The following CATIP variants were observed in gnomAD, a reference collection of about 807,000 sequenced individuals.
CATIP encodes ciliogenesis associated TTC17 interacting protein.
A neutral mutation model predicts 42.5 loss-of-function variants in CATIP; 40 were observed. The ratio of observed to expected loss-of-function variants is 0.94; its 90% confidence interval spans 0.73 to 1.22. The LOEUF (loss-of-function observed/expected upper bound fraction) is 1.22. Ranked by LOEUF, CATIP falls within the 50% of genes most tolerant of loss-of-function variation. The probability of loss-of-function intolerance (pLI) is 0.00; values close to 1 mark genes in which losing one functional copy is unlikely to be tolerated. For missense variants in CATIP, 489 were observed against 496.0 expected, an observed-to-expected ratio of 0.99 and a Z score of 0.13; for synonymous variants, 222 against 200.2, an observed-to-expected ratio of 1.11 and a Z score of -0.92.
intron 5 of CATIP, 122 bp from the exon 6 acceptor site, chr2:218,362,613 C>T (rs1294376176): frequency 2.1e-6 from 2 of 962,714 alleles, no homozygotes; most frequent in African/African-American, 3.3e-5. Flanking sequence ...GCCTGGGTGA[C>T]AAAAAGCGAA....
At chr2:218,360,529 A>T (rs749102511) in intron 4 of CATIP, 44 bp from the exon 5 acceptor site, 1 of 1,461,370 alleles carries the variant, frequency 6.8e-7, no homozygotes, top group South Asian at 1.1e-5. Flanking sequence ...CCTCTGGGGG[A>T]CCCAGGGAGT....
intron 2 of CATIP, 113 bp downstream of exon 2, chr2:218,357,300 C>T: frequency 3.7e-6 from 2 of 547,144 alleles, no homozygotes; most frequent in South Asian, 2.4e-5. Context: ...TTCCTTGATT[C>T]TCCTGGGACT....
chr2:218,368,003 C>G lies in CATIP; in HGVS notation c.*39C>G, dbSNP rs1394243278. ...CCGGACAGGGCAGGAAACCAGGGGTCGGGCTGGGACGCGGGCGGGACGCGC... is the reference window on the plus strand; with the variant it reads ...CCGGACAGGGCAGGAAACCAGGGGTGGGGCTGGGACGCGGGCGGGACGCGC... On this transcript the variant is annotated 3_prime_UTR_variant, in exon 10 of 10. Transcript: ENST00000289388. The G allele has an allele frequency of 6.8e-7, 1 of 1,471,466 alleles. No individual in the cohort carries two copies. Among genetic ancestry groups the G allele is most frequent in the East Asian group, 2.6e-5 (1 of 38,872 alleles). The allele number at this position is 1,471,466 out of a possible 1,614,324, so 91.2% of individuals were successfully genotyped here. A position where few individuals can be genotyped will look rare whatever the true frequency, so the allele number is the denominator to read the frequency against.
intron 8 of CATIP, 57 bp downstream of exon 8, chr2:218,367,157 T>C (rs1272509474): frequency 7.2e-7 from 1 of 1,384,444 alleles, no homozygotes; most frequent in Non-Finnish European, 1.0e-6. Flanking sequence ...TGGGGAAACC[T>C]GGGCCTTCCA....
chr2:218,364,902 T>C, intron 7 of CATIP, 150 bp downstream of exon 7: 2 of 929,240 alleles, frequency 2.2e-6, no homozygotes, highest in Admixed American at 3.0e-5. Context: ...CTTTCTTCAT[T>C]TATTTGCTCG....
Position 218,367,838 on chromosome 2 carries a change from C to T in CATIP, c.1038C>T (p.Phe346=), listed in dbSNP as rs1695521798. The T allele has an allele frequency of 8.1e-6, 13 of 1,613,152 alleles. No individual in the cohort carries two copies. The East Asian group carries it at 2.7e-4, about 33-fold the overall frequency. ...GCCAGCCGGAGGACGTGGTCACCTT[C>T]GCCGCCGAGTTCTTCGGCCCCTTCG... is the stretch of plus-strand genomic sequence containing the variant. The part of the protein sequence containing the change: ...LLRQPEDVVT[F]AAEFFGPFDP... Residue 346 remains phenylalanine (F), a synonymous_variant, in exon 10 of 10, where the codon TTC becomes TTT. Transcript: ENST00000289388.
At chr2:218,364,786 G>A in intron 7 of CATIP, 34 bp downstream of exon 7, 2 of 1,599,438 alleles carry the variant, frequency 1.3e-6, no homozygotes, top group South Asian at 1.1e-5. Context: ...GAGGGGTGGT[G>A]CTGAGCTTGT....
intron 7 of CATIP, chr2:218,365,543 C>T (rs1378163863): frequency 6.6e-6 from 1 of 152,094 alleles, no homozygotes; most frequent in Non-Finnish European, 1.5e-5. Context: ...TAGATATTCA[C>T]ATAATCACTA....
In CATIP at chr2:218,360,594, C is replaced by G; in HGVS notation, c.397C>G (p.Arg133Gly). ...FIKFLILPMERKMSLLKQDDQ... is the reference protein window; with the variant it reads ...FIKFLILPMEGKMSLLKQDDQ... ...TCAGTTCCTCATCCTCCCCATGGAA[C>G]GGAAGATGAGTTTGCTGAAGCAGGA... The change falls in exon 5 of 10, where the codon CGG (arginine) becomes GGG (glycine). Residue 133 changes from arginine (R) to glycine (G), a missense_variant. Arg to Gly is a moderately radical substitution (Grantham distance 125). Coordinates refer to ENST00000289388, the MANE Select transcript of CATIP (RefSeq NM_198559.2). 1 of 1,613,742 alleles carries G rather than the reference C, an allele frequency of 6.2e-7. No homozygotes were observed. Among genetic ancestry groups the G allele is most frequent in the Non-Finnish European group, 8.5e-7 (1 of 1,179,874 alleles).
Position 218,364,709 on chromosome 2 carries a change from G to A in CATIP, c.712G>A (p.Glu238Lys), listed in dbSNP as rs755788671. ...FIVEQTVHAE[E>K]GIPMSCQYYL... ...CGTGGAGCAGACTGTCCACGCGGAG[G>A]AGGGCATCCCCATGTCCTGCCAGTA... The change falls in exon 7 of 10, where the codon GAG (glutamate) becomes AAG (lysine). Residue 238 changes from glutamate (E) to lysine (K), a missense_variant. By Grantham distance (56) the Glu-to-Lys change is moderately conservative. Coordinates refer to ENST00000289388, the MANE Select transcript of CATIP (RefSeq NM_198559.2). The A allele has an allele frequency of 1.4e-5, 23 of 1,613,780 alleles. No homozygotes were observed. Among genetic ancestry groups the A allele is most frequent in the Non-Finnish European group, 1.9e-5 (23 of 1,179,912 alleles).
intron 6 of CATIP, among the ~76,000 whole-genome samples, chr2:218,363,383 C>T (rs1246611371): frequency 2.0e-5 from 3 of 150,300 alleles, no homozygotes; most frequent in African/African-American, 7.4e-5. Flanking sequence ...CTACTCAGGA[C>T]GCTGAGGCAG....
At chr2:218,365,103 GCACTGGCTCC>G in intron 7 of CATIP, among the ~76,000 whole-genome samples, 5 of 152,260 alleles carry the variant, frequency 3.3e-5, no homozygotes, top group Admixed American at 1.3e-4. Flanking sequence ...CTCCAGCAAA[GCACTGGCTCC>G]AAATCATAAG....
rs371366541 is a variant in CATIP at position 218,358,572 on chromosome 2, T to G, written c.375+480T>G. On this transcript the variant is annotated intron_variant, in intron 4 of 9. Transcript: ENST00000289388. Reference sequence around the variant, plus strand: ...CAAGACTCCGTCTCAAGAAAAAAATTAAAAAACAATGAGGGTGGGCCAGGC... The same window carrying G: ...CAAGACTCCGTCTCAAGAAAAAAATGAAAAAACAATGAGGGTGGGCCAGGC... Among the ~76,000 whole-genome samples, 48 of 146,482 alleles carry G rather than the reference T, an allele frequency of 3.3e-4. No homozygotes were observed. In the Middle Eastern group the frequency reaches 0.015, roughly 46 times the overall value.
intron 2 of CATIP, 90 bp downstream of exon 2, chr2:218,357,277 C>CTCTCTCTCTCTCTT: frequency 1.2e-6 from 1 of 853,874 alleles, no homozygotes; most frequent in Non-Finnish European, 1.8e-6. Context: ...CTCTCTCTCT[C>CTCTCTCTCTCTCTT]TCTCTCTCTC....
Position 218,367,752 on chromosome 2 carries a change from C to G in CATIP, c.952C>G (p.Leu318Val), listed in dbSNP as rs1695514911. ...EELRLGHASYLRQHPEAHALI... is the reference protein window; with the variant it reads ...EELRLGHASYVRQHPEAHALI... ...GCTCCGGCTCGGCCACGCCAGCTAT[C>G]TGCGGCAGCACCCCGAAGCCCACGC... The change falls in exon 10 of 10, where the codon CTG becomes GTG. Residue 318 changes from leucine to valine, a missense_variant. Transcript: ENST00000289388. 1 of 1,608,302 alleles carries G rather than the reference C, an allele frequency of 6.2e-7. No homozygotes were observed. Among genetic ancestry groups the G allele is most frequent in the Admixed American group, 1.7e-5 (1 of 59,746 alleles).
chr2:218,363,473 G>A (rs1369817765), intron 6 of CATIP, among the ~76,000 whole-genome samples: 16 of 145,292 alleles, frequency 1.1e-4, no homozygotes, highest in Non-Finnish European at 1.8e-4. Flanking sequence ...GTGACAGAGC[G>A]AGACTCTGTC....
intron 4 of CATIP, among the ~76,000 whole-genome samples, chr2:218,359,059 C>A (rs553716911): frequency 6.6e-6 from 1 of 151,700 alleles, no homozygotes; most frequent in South Asian, 2.1e-4. Flanking sequence ...ACAAAATTAG[C>A]CGGGCGCAGT....
chr2:218,367,605 C>CACCCGTAG, intron 9 of CATIP, 87 bp downstream of exon 9: 1 of 1,601,922 alleles, frequency 6.2e-7, no homozygotes, highest in Non-Finnish European at 8.5e-7. Context: ...TTGAAATGCA[C>CACCCGTAG]ACCCGTAGGG....
chr2:218,358,020 G>A lies in CATIP; in HGVS notation c.320-17G>A, dbSNP rs776455355. 6.2e-7 allele frequency: 1 copy of A among 1,613,330 alleles called. No homozygotes were observed. Among genetic ancestry groups the A allele is most frequent in the South Asian group, 1.1e-5 (1 of 91,064 alleles). On this transcript the variant is annotated splice_polypyrimidine_tract_variant and intron_variant, in intron 3 of 9. Coordinates refer to ENST00000289388, the MANE Select transcript of CATIP (RefSeq NM_198559.2). ...CACATCTCCTGTGACGTCAATGCCT[G>A]TGTCCCTGCACCCCAGGCTATCTCT...
Sources: allele counts gnomAD v4.1 joint callset (sites outside exome capture counted in the v4.1 genomes callset), GRCh38; gene constraint gnomAD v4.1.1; transcripts MANE v1.5; gene names NCBI Gene and HGNC (gene_info 2026-07-23, HGNC 2026-07-21).